TMEM272: variants seen among roughly 807,000 people sequenced by gnomAD.
TMEM272 encodes the protein transmembrane protein 272, also known as long intergenic non-protein coding RNA 282.
TMEM272 carries 8 observed loss-of-function variants against 3.7 expected under a neutral mutation model. The ratio of observed to expected loss-of-function variants is 2.17; its 90% confidence interval spans 1.27 to 3.91. The LOEUF is 3.91. TMEM272 is among the 30% of genes most tolerant of loss of function. The pLI is 0.00. For synonymous variants in TMEM272, 63 were observed against 39.8 expected (o/e 1.58, Z -2.20); for missense variants, 166 against 91.5 (o/e 1.81, Z -3.32).
the TMEM272 span, among the ~76,000 whole-genome samples, chr13:51,864,840 C>A: frequency 6.6e-6 from 1 of 152,100 alleles, no homozygotes; most frequent in East Asian, 1.9e-4. Flanking sequence ...TGTTTTAAAC[C>A]ACTTTTCCCA....
At chr13:51,903,129 T>C in the TMEM272 span, among the ~76,000 whole-genome samples, 1 of 152,226 alleles carries the variant, frequency 6.6e-6, no homozygotes, top group African/African-American at 2.4e-5. Context: ...TGGAAATATT[T>C]TGCATTTCTT....
At chr13:51,850,861 A>G in the TMEM272 span, among the ~76,000 whole-genome samples, 1 of 152,364 alleles carries the variant, frequency 6.6e-6, no homozygotes, top group East Asian at 1.9e-4. Context: ...GTAACAGTAC[A>G]GCACTTCTAC....
chr13:51,897,794 G>C, the TMEM272 span, among the ~76,000 whole-genome samples: 3 of 151,462 alleles, frequency 2.0e-5, no homozygotes, highest in Non-Finnish European at 4.4e-5. Flanking sequence ...AGGCATGGTG[G>C]TGCGTGCCTG....
intron 1 of TMEM272, among the ~76,000 whole-genome samples, chr13:51,843,387 C>CA (rs911640572): frequency 6.6e-6 from 1 of 152,170 alleles, no homozygotes; most frequent in Non-Finnish European, 1.5e-5. Flanking sequence ...GAACAACTCA[C>CA]AAAAAACTGC....
chr13:51,870,925 G>C, the TMEM272 span, among the ~76,000 whole-genome samples: 1 of 152,164 alleles, frequency 6.6e-6, no homozygotes, highest in Non-Finnish European at 1.5e-5. Flanking sequence ...ACAAAACTCA[G>C]GGTCCTTAAA....
chr13:51,933,812 C>A, the TMEM272 span: 2 of 152,226 alleles, frequency 1.3e-5, no homozygotes, highest in Non-Finnish European at 2.9e-5. Flanking sequence ...GGCTCCTGCA[C>A]ACATACGTTT....
chr13:51,924,062 T>C, the TMEM272 span, among the ~76,000 whole-genome samples: 1 of 152,196 alleles, frequency 6.6e-6, no homozygotes, highest in East Asian at 1.9e-4. Context: ...AACCTACTCC[T>C]GATCAATTTT....
the TMEM272 span, among the ~76,000 whole-genome samples, chr13:51,876,730 C>A: frequency 1.3e-5 from 2 of 152,112 alleles, no homozygotes; most frequent in Admixed American, 1.3e-4. Context: ...ATTGGGAAAC[C>A]ATTAAAGGTC....
chr13:51,816,847 GA>G lies in TMEM272; in HGVS notation c.467del (p.Val156AlafsTer101), dbSNP rs906297797. On this transcript the variant is annotated frameshift_variant, in exon 5 of 5. Coordinates refer to ENST00000629372, the MANE Select transcript of TMEM272 (RefSeq NM_001351003.2). LOFTEE classifies it low-confidence loss of function (END_TRUNC). ...DKTLYLFAVG[V>X]LALSHTVLVL... ...CCAGCACAGTGTGACTGAGCGCCAG[GA>G]CTCCGACTGCAAAGAGGTACAGGGT... The G allele has an allele frequency of 3.6e-5, 25 of 702,930 alleles. No individual in the cohort carries two copies. Among genetic ancestry groups the G allele is most frequent in the Non-Finnish European group, 6.5e-5 (25 of 385,010 alleles). The allele number at this position is 702,930 out of a possible 1,614,324, so 43.5% of individuals were successfully genotyped here.
At chr13:51,849,591 C>T (rs1439005920), upstream of TMEM272, among the ~76,000 whole-genome samples, 2 of 152,210 alleles carry the variant, frequency 1.3e-5, no homozygotes, top group Non-Finnish European at 2.9e-5. Flanking sequence ...GGCAGTTGTC[C>T]AACATGCTCC....
intron 1 of TMEM272, among the ~76,000 whole-genome samples, chr13:51,843,096 T>C (rs1306320821): frequency 6.6e-6 from 1 of 152,252 alleles, no homozygotes; most frequent in Non-Finnish European, 1.5e-5. Flanking sequence ...ATTACTCTCA[T>C]AGGCAAAAGT....
At chr13:51,857,134 A>C in the TMEM272 span, among the ~76,000 whole-genome samples, 1 of 152,160 alleles carries the variant, frequency 6.6e-6, no homozygotes, top group African/African-American at 2.4e-5. Flanking sequence ...TCACATTACT[A>C]TGAAATTCTC....
At chr13:51,896,851 C>T in the TMEM272 span, among the ~76,000 whole-genome samples, 16 of 152,176 alleles carry the variant, frequency 1.1e-4, no homozygotes, top group African/African-American at 3.9e-4. Flanking sequence ...ACCTGGGCTC[C>T]ACTCCAGACA....
chr13:51,844,657 G>A (rs559435215), intron 1 of TMEM272, among the ~76,000 whole-genome samples: 9 of 152,258 alleles, frequency 5.9e-5, no homozygotes, highest in African/African-American at 1.7e-4. Flanking sequence ...AAATGACCAA[G>A]TCAAAGCCAC....
chr13:51,866,256 ATTTTTTCCAGGTTTTG>A, the TMEM272 span: 2 of 580,588 alleles, frequency 3.4e-6, no homozygotes, highest in South Asian at 6.4e-5. Context: ...GGCTGGCTGC[ATTTTTTCCAGGTTTTG>A]TGATGATCCA....
chr13:51,890,187 C>A, the TMEM272 span, among the ~76,000 whole-genome samples: 2 of 152,112 alleles, frequency 1.3e-5, no homozygotes, highest in African/African-American at 2.4e-5. Context: ...GGTCTATACA[C>A]CCCCTGCTAT....
chr13:51,817,205 C>T (rs975504), intron 4 of TMEM272, 92 bp from the exon 5 acceptor site: 434,203 of 620,672 alleles, frequency 0.7, 154,034 homozygotes, highest in Admixed American at 0.74. Context: ...GGGGTGTTGG[C>T]AGGGAGAGAG....
chr13:51,879,101 G>A, the TMEM272 span, among the ~76,000 whole-genome samples: 5 of 152,178 alleles, frequency 3.3e-5, no homozygotes, highest in Admixed American at 2.0e-4. Flanking sequence ...CAATGGGAAC[G>A]TAAGCAGAAC....
the TMEM272 span, chr13:51,862,265 G>T: frequency 2.6e-5 from 4 of 152,142 alleles, no homozygotes; most frequent in Non-Finnish European, 5.9e-5. Context: ...TATAGTATTT[G>T]TTCTAAGCAT....
Sources: allele counts gnomAD v4.1 joint callset (sites outside exome capture counted in the v4.1 genomes callset), GRCh38; gene constraint gnomAD v4.1.1; transcripts MANE v1.5; gene names NCBI Gene and HGNC (gene_info 2026-07-23, HGNC 2026-07-21).